The following ANKRD45 variants were observed in gnomAD, a reference collection of about 807,000 sequenced individuals.
ANKRD45 encodes the protein ankyrin repeat domain-containing protein 45.
A neutral mutation model predicts 28.1 loss-of-function variants in ANKRD45; 21 were observed. The ratio of observed to expected loss-of-function variants is 0.75; its 90% CI spans 0.53 to 1.08. The LOEUF is 1.08. ANKRD45 is among the 50% of genes least tolerant of loss of function. The pLI, the probability that ANKRD45 is intolerant of heterozygous loss-of-function variation, is 0.00. For synonymous variants in ANKRD45, 86 were observed against 103.9 expected (o/e 0.83, Z 1.05); for missense variants, 261 against 308.7 (o/e 0.85, Z 1.16).
the ANKRD45 span, among the ~76,000 whole-genome samples, chr1:173,689,864 T>TA: frequency 1.3e-5 from 2 of 152,112 alleles, no homozygotes; most frequent in Non-Finnish European, 2.9e-5. Flanking sequence ...ATTCCTGAAC[T>TA]ACCATAGCAG....
At chr1:173,684,067 G>C in the ANKRD45 span, among the ~76,000 whole-genome samples, 1 of 152,176 alleles carries the variant, frequency 6.6e-6, no homozygotes, top group Non-Finnish European at 1.5e-5. Context: ...TCAGGGCAGA[G>C]CAGGTAGCAG....
intron 2 of ANKRD45, among the ~76,000 whole-genome samples, chr1:173,656,890 G>A (rs1016783924): frequency 6.6e-6 from 1 of 151,208 alleles, no homozygotes; most frequent in Non-Finnish European, 1.5e-5. Flanking sequence ...ATTTCCCTAA[G>A]AGCTTTCATC....
At chr1:173,705,963 T>C in the ANKRD45 span, among the ~76,000 whole-genome samples, 1 of 152,148 alleles carries the variant, frequency 6.6e-6, no homozygotes. Flanking sequence ...ATAAACACTG[T>C]TCACTTGGTT....
intron 5 of ANKRD45, 70 bp downstream of exon 5, chr1:173,624,717 C>T (rs1667849168): frequency 6.1e-6 from 9 of 1,473,246 alleles, no homozygotes; most frequent in South Asian, 2.5e-5. Context: ...CAGAATATCT[C>T]AAAAATAACA....
intron 3 of ANKRD45, among the ~76,000 whole-genome samples, chr1:173,640,539 C>A (rs1228104354): frequency 6.6e-6 from 1 of 152,080 alleles, no homozygotes; most frequent in South Asian, 2.1e-4. Flanking sequence ...TTTTTATATA[C>A]CTTCTATATT....
chr1:173,633,082 A>C (rs1183540954), intron 3 of ANKRD45, among the ~76,000 whole-genome samples: 2 of 152,080 alleles, frequency 1.3e-5, no homozygotes, highest in Non-Finnish European at 2.9e-5. Context: ...ATATAATTTT[A>C]TATTTGGAAA....
intron 5 of ANKRD45, among the ~76,000 whole-genome samples, chr1:173,613,159 C>T (rs1667255018): frequency 6.6e-6 from 1 of 151,824 alleles, no homozygotes; most frequent in Admixed American, 6.6e-5. Flanking sequence ...CGTCTCTGCC[C>T]AGCCGCCCAT....
Position 173,633,326 on chromosome 1 carries a change from C to T in ANKRD45, c.497-6167G>A, listed in dbSNP as rs1378412431. On this transcript the variant is annotated intron_variant, in intron 3 of 5. Coordinates refer to ENST00000333279, the MANE Select transcript of ANKRD45 (RefSeq NM_198493.3). ...TCTCTATAATGAAAACTATAAAAGA[C>T]TGATGCAAGAAACTGAAGAGGACAT... Among the ~76,000 whole-genome samples, 4 of 151,614 alleles carry T rather than the reference C, an allele frequency of 2.6e-5. No individual in the cohort carries two copies. The East Asian group carries it at 7.7e-4, about 29-fold the overall frequency.
intron 5 of ANKRD45, among the ~76,000 whole-genome samples, chr1:173,617,818 T>A (rs2102315731): frequency 6.6e-6 from 1 of 152,244 alleles, no homozygotes; most frequent in African/African-American, 2.4e-5. Context: ...ATCCCATCCC[T>A]CCTGACTGAG....
intron 2 of ANKRD45, among the ~76,000 whole-genome samples, chr1:173,651,579 G>T (rs1006529218): frequency 7.9e-5 from 12 of 152,050 alleles, no homozygotes; most frequent in African/African-American, 2.9e-4. Flanking sequence ...GCAATGCAGG[G>T]TCTTTTTTGG....
chr1:173,652,991 TTCTTTA>T (rs1669309886), intron 2 of ANKRD45, among the ~76,000 whole-genome samples: 1 of 152,202 alleles, frequency 6.6e-6, no homozygotes, highest in African/African-American at 2.4e-5. Flanking sequence ...CTCTCTTTTC[TTCTTTA>T]TTAGTCTTGT....
chr1:173,702,823 G>A, the ANKRD45 span, among the ~76,000 whole-genome samples: 1 of 149,112 alleles, frequency 6.7e-6, no homozygotes, highest in Non-Finnish European at 1.5e-5. Flanking sequence ...CTGGGCTCAT[G>A]TGATCTTCCC....
intron 2 of ANKRD45, among the ~76,000 whole-genome samples, chr1:173,651,232 C>T (rs1669201883): frequency 6.6e-6 from 1 of 152,152 alleles, no homozygotes; most frequent in Non-Finnish European, 1.5e-5. Context: ...TTAGGTCTAA[C>T]ATTTAAATCT....
At chr1:173,680,576 G>A in the ANKRD45 span, among the ~76,000 whole-genome samples, 1 of 151,868 alleles carries the variant, frequency 6.6e-6, no homozygotes, top group East Asian at 1.9e-4. Flanking sequence ...AACCACTATG[G>A]CATGTGTATA....
chr1:173,665,020 G>A (rs1669948972), intron 1 of ANKRD45, among the ~76,000 whole-genome samples: 3 of 152,124 alleles, frequency 2.0e-5, no homozygotes. Context: ...AAATAAATTA[G>A]GTGATGTACA....
intron 3 of ANKRD45, among the ~76,000 whole-genome samples, chr1:173,629,753 A>G (rs1668103613): frequency 1.3e-5 from 2 of 152,276 alleles, no homozygotes; most frequent in African/African-American, 4.8e-5. Flanking sequence ...CAAAGGAATA[A>G]TATTAATTAA....
chr1:173,655,845 C>T (rs1669480545), intron 2 of ANKRD45, among the ~76,000 whole-genome samples: 1 of 152,224 alleles, frequency 6.6e-6, no homozygotes, highest in African/African-American at 2.4e-5. Context: ...TGCTGCCTCA[C>T]AGGTCAATCT....
At chr1:173,644,993 CAA>C (rs34936839) in intron 3 of ANKRD45, among the ~76,000 whole-genome samples, 314 of 131,308 alleles carry the variant, frequency 2.4e-3, no homozygotes, top group Middle Eastern at 3.8e-3. Context: ...AACTCCATCT[CAA>C]AAAAAAAAAA....
At chr1:173,647,950 T>C (rs1421273148) in intron 2 of ANKRD45, among the ~76,000 whole-genome samples, 1 of 144,226 alleles carries the variant, frequency 6.9e-6, no homozygotes, top group African/African-American at 2.5e-5. Context: ...TGCCCAGATA[T>C]TTTTTTTTTT....
Sources: allele counts gnomAD v4.1 joint callset (sites outside exome capture counted in the v4.1 genomes callset), GRCh38; gene constraint gnomAD v4.1.1; transcripts MANE v1.5; gene names NCBI Gene and HGNC (gene_info 2026-07-23, HGNC 2026-07-21).